The following KCNT1 variants were observed in gnomAD, a reference collection of about 807,000 sequenced individuals.
KCNT1 encodes the protein potassium channel subfamily T member 1.
In KCNT1, 78 loss-of-function variants were observed where a neutral mutation model predicts 147.8. The ratio of observed to expected loss-of-function variants is 0.53; its 90% CI spans 0.44 to 0.64. The LOEUF is 0.64. KCNT1 is among the 30% of genes least tolerant of loss of function. The pLI is 0.00. For synonymous variants in KCNT1, 867 were observed against 748.8 expected (o/e 1.16, Z -2.58); for missense variants, 1,419 against 1,750.3 (o/e 0.81, Z 3.38).
chr9:135,744,600 CG>C (rs1344941575), intron 2 of KCNT1, among the ~76,000 whole-genome samples: 3 of 152,228 alleles, frequency 2.0e-5, no homozygotes, highest in African/African-American at 7.2e-5. Flanking sequence ...CGGGGAGCCT[CG>C]GGGGGCTACA....
intron 13 of KCNT1, among the ~76,000 whole-genome samples, chr9:135,768,145 G>A (rs569354863): frequency 8.7e-5 from 13 of 149,436 alleles, no homozygotes; most frequent in East Asian, 4.1e-4. Flanking sequence ...CTCGAGTGTC[G>A]GAGCTTGGAG....
At chr9:135,705,051 G>A (rs890161065) in intron 1 of KCNT1, among the ~76,000 whole-genome samples, 8 of 152,180 alleles carry the variant, frequency 5.3e-5, no homozygotes, top group Admixed American at 2.6e-4. Context: ...CCTCGCACCC[G>A]GCAGCCTCCA....
chr9:135,717,376 C>T (rs1399358178), intron 2 of KCNT1, among the ~76,000 whole-genome samples: 1 of 152,094 alleles, frequency 6.6e-6, no homozygotes, highest in Non-Finnish European at 1.5e-5. Flanking sequence ...TTCCCCACTT[C>T]TCACCTCTGA....
chr9:135,779,917 C>T (rs144467982), intron 24 of KCNT1, among the ~76,000 whole-genome samples: 2 of 152,384 alleles, frequency 1.3e-5, no homozygotes, highest in East Asian at 1.9e-4. Context: ...CCACTACGCC[C>T]GACCTTGAAA....
chr9:135,774,485 TG>T (rs1833007768), intron 19 of KCNT1, among the ~76,000 whole-genome samples: 3 of 150,370 alleles, frequency 2.0e-5, no homozygotes, highest in African/African-American at 7.4e-5. Context: ...GTACGTGTTG[TG>T]TCTGTGTGGT....
chr9:135,786,539 G>C lies in KCNT1; in HGVS notation c.3502+18G>C. 6.4e-7 allele frequency: 1 copy of C among 1,566,830 alleles called. No homozygotes were observed. The highest frequency in any genetic ancestry group is 8.6e-7 in the Non-Finnish European group (1 of 1,161,310). On this transcript the variant is annotated intron_variant, in intron 29 of 30. Transcript: ENST00000371757. ...CGGCTACGGTAAGGGCACACGGCGC[G>C]GGTGGGGGCCGGACGGACGGACTGG...
intron 2 of KCNT1, among the ~76,000 whole-genome samples, chr9:135,747,332 G>A (rs1208681775): frequency 1.3e-5 from 2 of 151,432 alleles, no homozygotes; most frequent in Non-Finnish European, 2.9e-5. Flanking sequence ...TGGAGGGCGG[G>A]ACAGTGGTAG....
intron 13 of KCNT1, among the ~76,000 whole-genome samples, 171 bp downstream of exon 13, chr9:135,765,931 GGGGTGGACCATTTA>G (rs1488745882): frequency 6.6e-5 from 10 of 151,710 alleles, no homozygotes; most frequent in Admixed American, 6.6e-4. Context: ...TGGATCGTCC[GGGGTGGACCATTTA>G]GGGTGGATCG....
At chr9:135,726,839 CTG>C (rs1836174049) in intron 2 of KCNT1, among the ~76,000 whole-genome samples, 1 of 140,394 alleles carries the variant, frequency 7.1e-6, no homozygotes, top group South Asian at 2.4e-4. Flanking sequence ...CACTCTCTCC[CTG>C]TCTCTCTCCC....
intron 6 of KCNT1, among the ~76,000 whole-genome samples, chr9:135,756,273 C>T (rs1326685450): frequency 6.6e-6 from 1 of 152,132 alleles, no homozygotes; most frequent in African/African-American, 2.4e-5. Context: ...CTGAGGACTT[C>T]CTGACCCCCT....
chr9:135,754,450 C>T (rs1022685081), intron 5 of KCNT1, among the ~76,000 whole-genome samples: 1 of 152,188 alleles, frequency 6.6e-6, no homozygotes, highest in East Asian at 1.9e-4. Context: ...CACCATCTTA[C>T]GGCAAAGGAA....
chr9:135,795,129 C>CTAAT lies in KCNT1; in HGVS notation c.*2970_*2973dup, dbSNP rs1179049661. 2.0e-5 allele frequency: 3 copies of CTAAT among 151,856 alleles called. No homozygotes were observed. The highest frequency in any genetic ancestry group is 1.9e-4 in the East Asian group (1 of 5,188). The allele number at this position is 151,856 out of a possible 1,614,324, so 9.4% of individuals were successfully genotyped here. On this transcript the variant is annotated 3_prime_UTR_variant, in exon 31 of 31. Transcript: ENST00000371757. The stretch of plus-strand genomic sequence containing the variant: ...TTGTTTGTTTTTATTTTCCTTATAC[C>CTAAT]TAATTCATCTAACAGAAAACTGGGC...
chr9:135,715,481 G>T (rs947503694), intron 2 of KCNT1, among the ~76,000 whole-genome samples: 1 of 150,822 alleles, frequency 6.6e-6, no homozygotes, highest in Non-Finnish European at 1.5e-5. Flanking sequence ...GCCCGCGGGG[G>T]CTTCAGGTCA....
intron 1 of KCNT1, among the ~76,000 whole-genome samples, chr9:135,712,864 G>C (rs1165833620): frequency 2.0e-5 from 3 of 152,246 alleles, no homozygotes; most frequent in Non-Finnish European, 4.4e-5. Context: ...TCGCTCAAGT[G>C]TCAAAGCAGC....
rs113724266 is a variant in KCNT1 at position 135,787,228 on chromosome 9, G to T, written c.3502+707G>T. ...GGCGTCCGTCTTCAGCAACAGATCC[G>T]TGCAGCCCCCTCTCTCTGCGCCTTG... is the stretch of plus-strand genomic sequence containing the variant. On this transcript the variant is annotated intron_variant, in intron 29 of 30. Coordinates refer to ENST00000371757, the MANE Select transcript of KCNT1 (RefSeq NM_020822.3). Among the ~76,000 whole-genome samples, 488 of 152,352 alleles carry T rather than the reference G, an allele frequency of 3.2e-3. 2 individuals are homozygous for T. The highest frequency in any genetic ancestry group is 5.7e-3 in the Non-Finnish European group (388 of 68,028).
At chr9:135,703,266 G>A in intron 1 of KCNT1, 1 of 152,488 alleles carries the variant, frequency 6.6e-6, no homozygotes, top group Non-Finnish European at 1.5e-5. Context: ...TCTGGATCCT[G>A]CCCAGTCTCA....
rs774581421 is a variant in KCNT1, at chr9:135,785,350, C to T, written c.3177+20C>T. 1 of 1,612,944 alleles carries T rather than the reference C, an allele frequency of 6.2e-7. No homozygotes were observed. Among genetic ancestry groups the T allele is most frequent in the Non-Finnish European group, 8.5e-7 (1 of 1,179,914 alleles). On this transcript the variant is annotated intron_variant, in intron 28 of 30. Transcript: ENST00000371757. ...GCCCAGGTAAGCAACCCCTCCGTGC[C>T]CACGCAGCTTCTGCGGAGCACCAGA...
At chr9:135,779,640 G>A (rs374543506) in intron 24 of KCNT1, among the ~76,000 whole-genome samples, 170 bp downstream of exon 24, 4 of 152,236 alleles carry the variant, frequency 2.6e-5, no homozygotes, top group African/African-American at 7.2e-5. Flanking sequence ...GGGTGCTCTT[G>A]ATGGTGGAAC....
At chr9:135,751,678 C>G (rs12004642) in intron 4 of KCNT1, among the ~76,000 whole-genome samples, 35,141 of 152,172 alleles carry the variant, frequency 0.23, 4,302 homozygotes, top group Middle Eastern at 0.33. Flanking sequence ...TACTCTGTGC[C>G]CAGCGTGCCT....
Sources: gnomAD v4.1 joint callset for allele counts (sites outside exome capture counted in the v4.1 genomes callset) on GRCh38, gnomAD v4.1.1 for gene constraint, MANE v1.5 for transcripts, NCBI Gene and HGNC (gene_info 2026-07-23, HGNC 2026-07-21) for gene names.